FRRS1: variants seen among roughly 807,000 people sequenced by gnomAD.
FRRS1 encodes the protein ferric chelate reductase 1, also known as ferric reductase 1.
A neutral mutation model predicts 70.7 loss-of-function variants in FRRS1; 51 were observed. The observed-to-expected ratio is 0.72, with a 90% CI of 0.58 to 0.91. The LOEUF is 0.91. FRRS1 is among the 40% of genes least tolerant of loss of function. The pLI is 0.00. For synonymous variants in FRRS1, 225 were observed against 238.7 expected (o/e 0.94, Z 0.53); for missense variants, 672 against 726.0 (o/e 0.93, Z 0.86).
At chr1:99,764,414 A>C (rs1323505231) in intron 1 of FRRS1, among the ~76,000 whole-genome samples, 3 of 152,256 alleles carry the variant, frequency 2.0e-5, no homozygotes, top group African/African-American at 7.2e-5. Context: ...GTGTTTTATA[A>C]TTTCAAAAAA....
rs1654488969 is a variant in FRRS1, at chr1:99,715,679, G to A, written c.1237-7C>T. Reference sequence around the variant, plus strand: ...ACATGAGCATCCGATGCACCTGCAAGGTAAAATGACAAATTAAGAAGACAC... The same window carrying A: ...ACATGAGCATCCGATGCACCTGCAAAGTAAAATGACAAATTAAGAAGACAC... On this transcript the variant is annotated splice_region_variant and splice_polypyrimidine_tract_variant and intron_variant, in intron 11 of 16. Coordinates refer to ENST00000646001, the MANE Select transcript of FRRS1 (RefSeq NM_001361041.2). 10 of 1,601,398 alleles carry A rather than the reference G, an allele frequency of 6.2e-6. No homozygotes were observed. The East Asian group carries it at 2.2e-4, about 36-fold the overall frequency.
intron 9 of FRRS1, among the ~76,000 whole-genome samples, chr1:99,720,829 T>A (rs1654778879): frequency 7.6e-6 from 1 of 131,836 alleles, no homozygotes; most frequent in African/African-American, 3.0e-5. Flanking sequence ...TTAAAAGCAT[T>A]TCCTAACACA....
At chr1:99,749,545 A>G (rs1054499353) in intron 1 of FRRS1, among the ~76,000 whole-genome samples, 3 of 152,230 alleles carry the variant, frequency 2.0e-5, no homozygotes, top group Admixed American at 2.0e-4. Flanking sequence ...ACTTTTCCCA[A>G]CTTCCTATTA....
intron 9 of FRRS1, among the ~76,000 whole-genome samples, chr1:99,726,690 T>G (rs1456249643): frequency 6.6e-6 from 1 of 152,194 alleles, no homozygotes; most frequent in Non-Finnish European, 1.5e-5. Flanking sequence ...CATTAAAAAT[T>G]AATTCCCTAC....
chr1:99,764,287 C>T (rs1657254258), intron 1 of FRRS1, among the ~76,000 whole-genome samples: 1 of 152,194 alleles, frequency 6.6e-6, no homozygotes, highest in Non-Finnish European at 1.5e-5. Flanking sequence ...TTTATACATG[C>T]TTCCAATTGT....
chr1:99,715,703 A>C (rs1227525047), intron 11 of FRRS1, 31 bp from the exon 12 acceptor site: 1 of 1,488,600 alleles, frequency 6.7e-7, no homozygotes, highest in Non-Finnish European at 9.4e-7. Flanking sequence ...TTAAGAAGAC[A>C]CTTATCCATG....
intron 1 of FRRS1, among the ~76,000 whole-genome samples, chr1:99,759,361 C>G (rs970184875): frequency 1.3e-5 from 2 of 152,170 alleles, no homozygotes; most frequent in African/African-American, 2.4e-5. Context: ...CTGACACTTA[C>G]TGAAAATAGA....
At chr1:99,756,274 C>T (rs1656831031) in intron 1 of FRRS1, among the ~76,000 whole-genome samples, 1 of 152,162 alleles carries the variant, frequency 6.6e-6, no homozygotes, top group African/African-American at 2.4e-5. Context: ...GAGAGATTTA[C>T]TATTTTAAAA....
intron 12 of FRRS1, among the ~76,000 whole-genome samples, chr1:99,714,639 C>G (rs1016084387): frequency 1.2e-4 from 18 of 152,170 alleles, no homozygotes; most frequent in Non-Finnish European, 1.5e-5. Context: ...ATGACAGTGA[C>G]AAGTGTTGGA....
At chr1:99,731,494 G>A (rs897966668) in intron 7 of FRRS1, among the ~76,000 whole-genome samples, 3 of 152,128 alleles carry the variant, frequency 2.0e-5, no homozygotes, top group Non-Finnish European at 4.4e-5. Flanking sequence ...AAGAAATTTG[G>A]AGCAATCATG....
chr1:99,712,087 G>A lies in FRRS1; in HGVS notation c.1480+18C>T, dbSNP rs148755843. ...AGCTAGCAATTATATATGAATAAGT[G>A]GCATCACAATCTCTTACCTGCTATT... On this transcript the variant is annotated intron_variant, in intron 14 of 16. Coordinates refer to ENST00000646001, the MANE Select transcript of FRRS1 (RefSeq NM_001361041.2). 1.9e-4 allele frequency: 288 copies of A among 1,549,300 alleles called. 1 individual carries two copies. In the African/African-American group the frequency reaches 3.4e-3, roughly 18 times the overall value.
At chr1:99,712,284 A>G (rs1317750045) in intron 13 of FRRS1, 121 bp from the exon 14 acceptor site, 1 of 931,092 alleles carries the variant, frequency 1.1e-6, no homozygotes, top group Non-Finnish European at 1.7e-6. Flanking sequence ...AATGCATTTT[A>G]AAGTATTTCA....
Position 99,728,498 on chromosome 1 carries a change from T to G in FRRS1, c.1001A>C (p.Asn334Thr). The G allele has an allele frequency of 1.1e-5, 17 of 1,609,602 alleles. No homozygotes were observed. Among genetic ancestry groups the G allele is most frequent in the Non-Finnish European group, 1.4e-5 (16 of 1,176,536 alleles). ...CAGCTTAACAATATACTTACCATCA[T>G]TAGCTGCACCATCTGCTAGAAATAT... ...YYIFLADGAA[N>T]DGRIYKHSQQ... is the part of the protein sequence containing the mutation. The change falls in exon 9 of 17, where the codon AAT becomes ACT. Residue 334 changes from asparagine to threonine, a missense_variant. Physicochemically the swap from Asn to Thr is moderately conservative, Grantham distance 65 (BLOSUM62 0). Transcript: ENST00000646001.
In FRRS1 at chr1:99,748,740, G is replaced by A. The variant is rs553227768; in HGVS notation, c.29C>T (p.Thr10Ile). The change falls in exon 3 of 17, where the codon ACC (threonine) becomes ATC (isoleucine). Residue 10 changes from threonine (T) to isoleucine (I), a missense_variant. By Grantham distance (89) the Thr-to-Ile change is moderately conservative (BLOSUM62 -1). Coordinates refer to ENST00000646001, the MANE Select transcript of FRRS1 (RefSeq NM_001361041.2). MAVSGFTLG[T>I]CILLLHISYV... is the part of the protein sequence containing the mutation. ...ACTAATGTGCAACAGAAGTATGCAG[G>A]TACCAAGAGTAAATCCAGAAACTGC... is the stretch of plus-strand genomic sequence containing the variant. The A allele has an allele frequency of 6.2e-7, 1 of 1,613,672 alleles. No homozygotes were observed. Among genetic ancestry groups the A allele is most frequent in the Non-Finnish European group, 8.5e-7 (1 of 1,179,758 alleles).
intron 11 of FRRS1, among the ~76,000 whole-genome samples, chr1:99,716,493 T>C (rs1456464635): frequency 2.6e-5 from 4 of 152,088 alleles, no homozygotes; most frequent in South Asian, 2.1e-4. Flanking sequence ...AGCAAGAAAG[T>C]AGTCACCTGG....
At chr1:99,746,365 T>A (rs1010701147) in intron 4 of FRRS1, among the ~76,000 whole-genome samples, 1 of 152,128 alleles carries the variant, frequency 6.6e-6, no homozygotes, top group Non-Finnish European at 1.5e-5. Flanking sequence ...CTATCGTTAT[T>A]ATAGAAAAAG....
Position 99,748,895 on chromosome 1 carries a change from A to C in FRRS1, c.-1+2T>G. ...GTTCAGCAAACCATATTCTCAACATACCTGATAAAAAGAATGTGATATGTG... is the reference window on the plus strand; with the variant it reads ...GTTCAGCAAACCATATTCTCAACATCCCTGATAAAAAGAATGTGATATGTG... On this transcript the variant is annotated splice_donor_variant, in intron 2 of 16. Coordinates refer to ENST00000646001, the MANE Select transcript of FRRS1 (RefSeq NM_001361041.2). LOFTEE classifies it low-confidence loss of function (5UTR_SPLICE). 1.6e-6 allele frequency: 1 copy of C among 622,200 alleles called. No individual in the cohort carries two copies. Among genetic ancestry groups the C allele is most frequent in the South Asian group, 2.6e-5 (1 of 38,654 alleles). 38.5% of individuals were successfully genotyped at this position (622,200 alleles called of 1,614,324 possible).
intron 1 of FRRS1, among the ~76,000 whole-genome samples, chr1:99,760,262 C>T (rs1304660161): frequency 6.6e-6 from 1 of 152,174 alleles, no homozygotes; most frequent in Non-Finnish European, 1.5e-5. Flanking sequence ...CACTATTGGG[C>T]TTAGATAAAC....
intron 9 of FRRS1, among the ~76,000 whole-genome samples, chr1:99,722,096 A>C (rs1654863219): frequency 6.6e-6 from 1 of 151,464 alleles, no homozygotes; most frequent in Non-Finnish European, 1.5e-5. Flanking sequence ...TGCAGCCTTG[A>C]CTTCCCAGGC....
Sources: allele counts gnomAD v4.1 joint callset (sites outside exome capture counted in the v4.1 genomes callset), GRCh38; gene constraint gnomAD v4.1.1; transcripts MANE v1.5; gene names NCBI Gene and HGNC (gene_info 2026-07-23, HGNC 2026-07-21).